Variants in ZNF622 observed in about 807,000 individuals in gnomAD.
The protein encoded by ZNF622 is cytoplasmic 60S subunit biogenesis factor ZNF622.
A neutral mutation model predicts 49.7 loss-of-function variants in ZNF622; 34 were observed. The ratio of observed to expected loss-of-function variants is 0.68; its 90% CI spans 0.52 to 0.91. ZNF622 has a LOEUF of 0.91. Ranked by LOEUF, ZNF622 falls within the 40% of genes least tolerant of loss-of-function variation. The pLI is 0.00. For missense variants in ZNF622, 569 were observed against 616.4 expected (o/e 0.92, Z 0.81); for synonymous variants, 209 against 228.7 (o/e 0.91, Z 0.78).
At chr5:16,452,719 A>C (rs918411688) in intron 5 of ZNF622, among the ~76,000 whole-genome samples, 1 of 152,222 alleles carries the variant, frequency 6.6e-6, no homozygotes, top group Non-Finnish European at 1.5e-5. Flanking sequence ...CATAACCTCC[A>C]GGATAATTTC....
In ZNF622 at chr5:16,465,185, C is replaced by T. The variant is rs745477955; in HGVS notation, c.481G>A (p.Val161Met). ...PAKEARNVVA[V>M]GTGGRGTHDR... is the part of the protein sequence containing the mutation. ...TGGGTCCCACGGCCACCAGTACCCA[C>T]GGCCACGACATTCCTGGCCTCCTTT... The change falls in exon 1 of 6, where the codon GTG becomes ATG. Residue 161 changes from valine (V) to methionine (M), a missense_variant. By Grantham distance (21) the Val-to-Met change is conservative. Transcript: ENST00000308683. This position sits in a 1 kb window ranked among gnomAD's most constrained non-coding sequence, Gnocchi z 6.2. 4 of 1,614,128 alleles carry T rather than the reference C, an allele frequency of 2.5e-6. No individual in the cohort carries two copies. In the African/African-American group the frequency reaches 4.0e-5, roughly 16 times the overall value.
intron 4 of ZNF622, among the ~76,000 whole-genome samples, chr5:16,454,488 CAAAAAAAAAAAA>C (rs34774848): frequency 1.5e-5 from 1 of 66,714 alleles, no homozygotes; most frequent in Non-Finnish European, 2.6e-5. Flanking sequence ...ACTCCGTCTC[CAAAAAAAAAAAA>C]AAAAAAAAAA....
At chr5:16,459,419 A>G (rs892715698) in intron 3 of ZNF622, among the ~76,000 whole-genome samples, 1 of 152,166 alleles carries the variant, frequency 6.6e-6, no homozygotes, top group Non-Finnish European at 1.5e-5. Flanking sequence ...CACACCCACC[A>G]AAGTTGCTAA....
chr5:16,453,478 T>C (rs1481162446), intron 4 of ZNF622, among the ~76,000 whole-genome samples: 1 of 148,992 alleles, frequency 6.7e-6, no homozygotes, highest in Non-Finnish European at 1.5e-5. Flanking sequence ...AAAATTCACA[T>C]AGAAACCCCT....
rs561794404 is a variant in ZNF622, at chr5:16,463,772, T to C, written c.626-30A>G. On this transcript the variant is annotated intron_variant, in intron 1 of 5. Transcript: ENST00000308683. The surrounding 1 kb of genome is among the most constrained non-coding windows in gnomAD (Gnocchi z 4.2). ...AAGCCAGAATTTTGAAATATAAAGT[T>C]TAAGAAAAGTAGTAGCAAGCAAAGA... The C allele has an allele frequency of 1.2e-6, 2 of 1,603,978 alleles. No homozygotes were observed. Among genetic ancestry groups the C allele is most frequent in the African/African-American group, 1.3e-5 (1 of 74,588 alleles).
chr5:16,455,589 T>C (rs1738012808), intron 4 of ZNF622, among the ~76,000 whole-genome samples: 2 of 152,206 alleles, frequency 1.3e-5, no homozygotes, highest in South Asian at 4.1e-4. Context: ...ATGTAGTTGA[T>C]GGATAAAACA....
At chr5:16,462,293 T>G (rs1334672497) in intron 3 of ZNF622, among the ~76,000 whole-genome samples, 7 of 152,212 alleles carry the variant, frequency 4.6e-5, no homozygotes, top group Admixed American at 1.3e-4. Context: ...CTGTGCTAGC[T>G]CACAGGAATT....
chr5:16,454,608 G>C (rs1737995120), intron 4 of ZNF622, among the ~76,000 whole-genome samples: 1 of 151,910 alleles, frequency 6.6e-6, no homozygotes, highest in Non-Finnish European at 1.5e-5. Flanking sequence ...AACAATTCAA[G>C]GTTCTTATTT....
intron 1 of ZNF622, among the ~76,000 whole-genome samples, chr5:16,464,034 C>G (rs1273479406): frequency 1.3e-5 from 2 of 152,168 alleles, no homozygotes; most frequent in Admixed American, 1.3e-4. Context: ...GTTAGGAAGT[C>G]TCCTACCTGC....
In ZNF622 at chr5:16,463,389, G is replaced by A. The variant is rs1738154004; in HGVS notation, c.886+93C>T. On this transcript the variant is annotated intron_variant, in intron 2 of 5. Transcript: ENST00000308683. This position sits in a 1 kb window ranked among gnomAD's most constrained non-coding sequence, Gnocchi z 4.2. ...AAAATAACCAAGCAATTATATCAAA[G>A]ATTGATGAAAAATGCAAAACTAATG... 3 of 1,502,024 alleles carry A rather than the reference G, an allele frequency of 2.0e-6. No homozygotes were observed. The East Asian group carries it at 6.8e-5, about 34-fold the overall frequency. 93.0% of individuals were successfully genotyped at this position (1,502,024 alleles called of 1,614,324 possible). A position where few individuals can be genotyped will look rare whatever the true frequency, so the allele number is the denominator to read the frequency against.
At position 16,465,258 on chromosome 5, in the gene ZNF622, G is replaced by A; in HGVS notation, c.408C>T (p.Ile136=). 1 of 1,614,232 alleles carries A rather than the reference G, an allele frequency of 6.2e-7. No homozygotes were observed. Among genetic ancestry groups the A allele is most frequent in the Non-Finnish European group, 8.5e-7 (1 of 1,180,018 alleles). ...DAMNAAIQQA[I]KAQPSMSPKK... is the part of the protein sequence containing the mutation. ...TGGGAGACATGGACGGCTGGGCCTT[G>A]ATGGCCTGCTGGATGGCCGCGTTCA... The change falls in exon 1 of 6, where the codon ATC becomes ATT. Residue 136 remains isoleucine, a synonymous_variant. Transcript: ENST00000308683. The surrounding 1 kb of genome is among the most constrained non-coding windows in gnomAD (Gnocchi z 6.2).
At position 16,465,747 on chromosome 5, in the gene ZNF622, C is replaced by T; in HGVS notation, c.-82G>A. On this transcript the variant is annotated 5_prime_UTR_variant, in exon 1 of 6. Coordinates refer to ENST00000308683, the MANE Select transcript of ZNF622 (RefSeq NM_033414.3). The surrounding 1 kb of genome is among the most constrained non-coding windows in gnomAD (Gnocchi z 6.2). ...CCCCACAAGACCCTCAGACCTTAAC[C>T]CGCCTCAGCAGCCAGGAAGAGCCAC... 2 of 1,501,356 alleles carry T rather than the reference C, an allele frequency of 1.3e-6. No individual in the cohort carries two copies. Among genetic ancestry groups the T allele is most frequent in the Non-Finnish European group, 1.8e-6 (2 of 1,125,264 alleles). The allele number at this position is 1,501,356 out of a possible 1,614,324, so 93.0% of individuals were successfully genotyped here.
intron 3 of ZNF622, among the ~76,000 whole-genome samples, chr5:16,460,687 T>C (rs1738107972): frequency 6.6e-6 from 1 of 152,132 alleles, no homozygotes; most frequent in Non-Finnish European, 1.5e-5. Flanking sequence ...TACAGGCTCA[T>C]GCCACCACAC....
chr5:16,465,661 G>T lies in ZNF622; in HGVS notation c.5C>A (p.Ala2Glu), dbSNP rs897364921. 1 of 1,562,748 alleles carries T rather than the reference G, an allele frequency of 6.4e-7. No homozygotes were observed. Among genetic ancestry groups the T allele is most frequent in the Non-Finnish European group, 8.7e-7 (1 of 1,156,062 alleles). The change falls in exon 1 of 6, where the codon GCG (alanine) becomes GAG (glutamate). Residue 2 changes from alanine (A) to glutamate (E), a missense_variant. Transcript: ENST00000308683. The surrounding 1 kb of genome is among the most constrained non-coding windows in gnomAD (Gnocchi z 6.2). MATYTCITCRVA... is the reference protein window; with the variant it reads METYTCITCRVA... The stretch of plus-strand genomic sequence containing the variant: ...CCGGCAAGTTATGCAGGTGTACGTC[G>T]CCATTGCCAGGCGAGAAATAAGAAC...
rs548872801 is a variant in ZNF622, at chr5:16,461,081, GA to G, written c.1049+2026del. On this transcript the variant is annotated intron_variant, in intron 3 of 5. Transcript: ENST00000308683. ...AGGTGGTCAAAAAAGGCCACACTGA[GA>G]AGGTGAAATTTATGTCAAGGCCTGC... Among the ~76,000 whole-genome samples the G allele has an allele frequency of 7.1e-4, 108 of 152,340 alleles. 1 individual carries two copies. The highest frequency in any genetic ancestry group is 2.5e-3 in the African/African-American group (105 of 41,584).
chr5:16,457,488 T>C (rs1738044703), intron 4 of ZNF622, among the ~76,000 whole-genome samples: 1 of 152,244 alleles, frequency 6.6e-6, no homozygotes, highest in African/African-American at 2.4e-5. Context: ...TATAACCTTC[T>C]TATCACTGTA....
chr5:16,465,038 C>T lies in ZNF622; in HGVS notation c.625+3G>A, dbSNP rs1251537673. On this transcript the variant is annotated splice_donor_region_variant and intron_variant, in intron 1 of 5. Coordinates refer to ENST00000308683, the MANE Select transcript of ZNF622 (RefSeq NM_033414.3). The surrounding 1 kb of genome is among the most constrained non-coding windows in gnomAD (Gnocchi z 6.2). ...ACCCTCCCCGCCCAGACAGGGCCATCACCGTCTCCATCCAGGTCCTCTTCC... is the reference window on the plus strand; with the variant it reads ...ACCCTCCCCGCCCAGACAGGGCCATTACCGTCTCCATCCAGGTCCTCTTCC... The T allele has an allele frequency of 6.4e-7, 1 of 1,571,826 alleles. No homozygotes were observed.
intron 4 of ZNF622, among the ~76,000 whole-genome samples, chr5:16,455,191 A>G (rs1291907447): frequency 6.6e-6 from 1 of 152,208 alleles, no homozygotes; most frequent in East Asian, 1.9e-4. Context: ...GGTTTCCAGG[A>G]AAGATTTATA....
chr5:16,454,858 C>G (rs772752639), intron 4 of ZNF622, among the ~76,000 whole-genome samples: 1 of 152,132 alleles, frequency 6.6e-6, no homozygotes, highest in Non-Finnish European at 1.5e-5. Flanking sequence ...GGAAAATGTC[C>G]CAACCCATGT....
Sources: gnomAD v4.1 joint callset for allele counts (sites outside exome capture counted in the v4.1 genomes callset) on GRCh38, gnomAD v4.1.1 for gene constraint, Gnocchi (gnomAD v3.1) non-coding constraint, MANE v1.5 for transcripts, NCBI Gene and HGNC (gene_info 2026-07-23, HGNC 2026-07-21) for gene names.